Variants in TSPAN5 observed in about 807,000 individuals in gnomAD.
TSPAN5 encodes the protein tetraspanin 5.
A neutral mutation model predicts 37.1 loss-of-function variants in TSPAN5; 10 were observed. The ratio of observed to expected loss-of-function variants is 0.27; its 90% CI spans 0.17 to 0.46. The LOEUF (loss-of-function observed/expected upper bound fraction) is 0.46, where lower values mean the gene tolerates loss of function less well. Among genes scored for constraint, TSPAN5 ranks in the 20% least tolerant of loss-of-function variants. The pLI, the probability that TSPAN5 is intolerant of heterozygous loss-of-function variation, is 1.00. For missense variants in TSPAN5, 195 were observed against 326.6 expected, an observed-to-expected ratio of 0.60 and a Z score of 3.11; for synonymous variants, 110 against 118.9, an observed-to-expected ratio of 0.93 and a Z score of 0.48.
In TSPAN5 at chr4:98,640,657, A is replaced by T. The variant is rs559882257; in HGVS notation, c.81+17489T>A. Among the ~76,000 whole-genome samples, 3 of 152,346 alleles carry T rather than the reference A, an allele frequency of 2.0e-5. No individual in the cohort carries two copies. In the East Asian group the frequency reaches 5.8e-4, roughly 29 times the overall value. On this transcript the variant is annotated intron_variant, in intron 1 of 7. Transcript: ENST00000305798. ...GAAAACCCTCAGATCCAGTTGCCAA[A>T]GGAAAGCATGGAGATACACTCTCCT...
chr4:98,624,679 A>T (rs1236956748), intron 1 of TSPAN5, among the ~76,000 whole-genome samples: 2 of 152,224 alleles, frequency 1.3e-5, no homozygotes, highest in East Asian at 3.8e-4. Flanking sequence ...GAGAATCAGT[A>T]TGACGATAGT....
intron 2 of TSPAN5, among the ~76,000 whole-genome samples, chr4:98,494,341 G>T (rs1447734829): frequency 2.6e-5 from 4 of 151,920 alleles, no homozygotes; most frequent in African/African-American, 9.7e-5. Context: ...GGGGTAGCCT[G>T]GACAATGGGG....
intron 1 of TSPAN5, among the ~76,000 whole-genome samples, chr4:98,520,815 G>C (rs1753836852): frequency 6.6e-6 from 1 of 152,056 alleles, no homozygotes; most frequent in Non-Finnish European, 1.5e-5. Flanking sequence ...GTGTCATCTG[G>C]TACCTGCACT....
intron 2 of TSPAN5, among the ~76,000 whole-genome samples, chr4:98,492,629 G>A (rs959545942): frequency 6.6e-6 from 1 of 152,170 alleles, no homozygotes; most frequent in Admixed American, 6.5e-5. Context: ...GTGGGTATAG[G>A]GAGCAAAGGG....
chr4:98,615,179 G>T (rs896701814), intron 1 of TSPAN5, among the ~76,000 whole-genome samples: 1 of 152,120 alleles, frequency 6.6e-6, no homozygotes, highest in Non-Finnish European at 1.5e-5. Flanking sequence ...GCCTTGCCAC[G>T]TGTAACCTGC....
chr4:98,607,883 G>A (rs1284548722), intron 1 of TSPAN5, among the ~76,000 whole-genome samples: 1 of 151,974 alleles, frequency 6.6e-6, no homozygotes, highest in Non-Finnish European at 1.5e-5. Context: ...GCTAATGTTT[G>A]TATTTTTAGT....
chr4:98,526,834 T>C (rs1430556123), intron 1 of TSPAN5, among the ~76,000 whole-genome samples: 1 of 152,190 alleles, frequency 6.6e-6, no homozygotes, highest in African/African-American at 2.4e-5. Context: ...TGAAATGGAA[T>C]AGAATGCTAT....
intron 1 of TSPAN5, among the ~76,000 whole-genome samples, chr4:98,517,342 A>G (rs1328263347): frequency 6.6e-6 from 1 of 152,134 alleles, no homozygotes; most frequent in African/African-American, 2.4e-5. Flanking sequence ...GAACTATGGA[A>G]GCAGAATGAT....
intron 2 of TSPAN5, among the ~76,000 whole-genome samples, chr4:98,507,043 T>A (rs549638108): frequency 1.3e-5 from 2 of 152,188 alleles, no homozygotes; most frequent in South Asian, 4.1e-4. Context: ...CCCAGAACAT[T>A]GTATCTTCAC....
At chr4:98,474,041 A>G (rs1752642728) in intron 7 of TSPAN5, among the ~76,000 whole-genome samples, 1 of 152,132 alleles carries the variant, frequency 6.6e-6, no homozygotes, top group Admixed American at 6.5e-5. Context: ...CACAGTTTTA[A>G]ATTTTGAAGT....
At chr4:98,478,847 T>G (rs773317015) in intron 4 of TSPAN5, 37 bp from the exon 5 acceptor site, 1 of 1,606,840 alleles carries the variant, frequency 6.2e-7, no homozygotes, top group Admixed American at 1.7e-5. Flanking sequence ...CATCCCAACT[T>G]GGAGGCAAGC....
intron 1 of TSPAN5, among the ~76,000 whole-genome samples, chr4:98,514,542 C>T (rs569837225): frequency 5.9e-5 from 9 of 152,066 alleles, no homozygotes; most frequent in Admixed American, 1.3e-4. Context: ...TCAAACTGTC[C>T]GGAGTCCTCA....
chr4:98,648,734 C>T (rs1484360228), intron 1 of TSPAN5, among the ~76,000 whole-genome samples: 13 of 152,250 alleles, frequency 8.5e-5, no homozygotes, highest in South Asian at 2.1e-4. Context: ...ACACCACCCA[C>T]GCCCAGCTCT....
chr4:98,481,788 C>T (rs1752843728), intron 4 of TSPAN5, among the ~76,000 whole-genome samples: 1 of 152,200 alleles, frequency 6.6e-6, no homozygotes, highest in Non-Finnish European at 1.5e-5. Flanking sequence ...TCTAACTTAA[C>T]AGAAGTTGAA....
intron 1 of TSPAN5, among the ~76,000 whole-genome samples, chr4:98,591,065 T>A (rs1755621762): frequency 6.7e-6 from 1 of 149,330 alleles, no homozygotes; most frequent in Non-Finnish European, 1.5e-5. Context: ...TTTTCCTTTT[T>A]TTTGTTTTTT....
chr4:98,622,063 G>T (rs937029567), intron 1 of TSPAN5, among the ~76,000 whole-genome samples: 2 of 152,116 alleles, frequency 1.3e-5, no homozygotes, highest in Non-Finnish European at 2.9e-5. Flanking sequence ...TATGAGTAAT[G>T]CTGCTATTGA....
intron 1 of TSPAN5, among the ~76,000 whole-genome samples, chr4:98,533,949 A>AAAAAAAAAAAAAAAAAAAAAAAAAC (rs1754168935): frequency 7.0e-6 from 1 of 143,490 alleles, no homozygotes; most frequent in African/African-American, 2.5e-5. Context: ...TAAAAAAAAA[A>AAAAAAAAAAAAAAAAAAAAAAAAAC]AAAAAAAAAA....
intron 2 of TSPAN5, among the ~76,000 whole-genome samples, chr4:98,496,932 C>T (rs1221919559): frequency 1.3e-5 from 2 of 152,122 alleles, no homozygotes; most frequent in Non-Finnish European, 2.9e-5. Flanking sequence ...ATACCCTAAG[C>T]CCCCGTGTGG....
chr4:98,533,949 A>AAAAAAAAAAAAAAC (rs1754169001), intron 1 of TSPAN5, among the ~76,000 whole-genome samples: 1 of 143,490 alleles, frequency 7.0e-6, no homozygotes, highest in African/African-American at 2.5e-5. Context: ...TAAAAAAAAA[A>AAAAAAAAAAAAAAC]AAAAAAAAAA....
Sources: allele counts gnomAD v4.1 joint callset (sites outside exome capture counted in the v4.1 genomes callset), GRCh38; gene constraint gnomAD v4.1.1; transcripts MANE v1.5; gene names NCBI Gene and HGNC (gene_info 2026-07-23, HGNC 2026-07-21).